The following ENPP6 variants were observed in gnomAD, a reference collection of about 807,000 sequenced individuals.
ENPP6 encodes the protein ectonucleotide pyrophosphatase/phosphodiesterase 6, also known as glycerophosphocholine cholinephosphodiesterase ENPP6.
ENPP6 carries 32 observed loss-of-function variants against 42.0 expected under a neutral mutation model. That is an observed-to-expected ratio of 0.76 (90% CI 0.58 to 1.02). ENPP6 has a LOEUF of 1.02. ENPP6 is among the 50% of genes least tolerant of loss of function. ENPP6 has a pLI of 0.00. For missense variants in ENPP6, 552 were observed against 566.8 expected (o/e 0.97, Z 0.27); for synonymous variants, 213 against 216.0 (o/e 0.99, Z 0.12).
intron 6 of ENPP6, among the ~76,000 whole-genome samples, chr4:184,102,287 C>T (rs779127937): frequency 5.3e-5 from 8 of 151,960 alleles, no homozygotes; most frequent in African/African-American, 1.9e-4. Flanking sequence ...TGCGAGGCTG[C>T]GCTGGGAGTG....
At chr4:184,162,374 C>G (rs565242558) in intron 1 of ENPP6, among the ~76,000 whole-genome samples, 1 of 152,266 alleles carries the variant, frequency 6.6e-6, no homozygotes, top group Non-Finnish European at 1.5e-5. Context: ...CCTGATCTTC[C>G]TGAGTACTTG....
chr4:184,098,249 G>T (rs1384596563), intron 6 of ENPP6, among the ~76,000 whole-genome samples: 1 of 152,212 alleles, frequency 6.6e-6, no homozygotes, highest in Non-Finnish European at 1.5e-5. Flanking sequence ...CCTGGGACTT[G>T]TGGCTGGCCT....
chr4:184,200,176 C>T (rs1732868679), intron 1 of ENPP6, among the ~76,000 whole-genome samples: 1 of 152,220 alleles, frequency 6.6e-6, no homozygotes, highest in African/African-American at 2.4e-5. Context: ...TGGCCTCGTT[C>T]AAGACACCCT....
chr4:184,119,871 T>C (rs1736386325), intron 3 of ENPP6, among the ~76,000 whole-genome samples: 1 of 152,310 alleles, frequency 6.6e-6, no homozygotes, highest in Non-Finnish European at 1.5e-5. Flanking sequence ...ACGTCTGCTT[T>C]CCCTTCTGCC....
chr4:184,197,573 G>A (rs754343433), intron 1 of ENPP6, among the ~76,000 whole-genome samples: 4 of 152,132 alleles, frequency 2.6e-5, no homozygotes, highest in Non-Finnish European at 5.9e-5. Context: ...ATCTGGTTCC[G>A]GATCTGCATC....
chr4:184,113,903 C>CT (rs1335908274), intron 5 of ENPP6, among the ~76,000 whole-genome samples: 38 of 60,940 alleles, frequency 6.2e-4, no homozygotes, highest in African/African-American at 1.1e-3. Flanking sequence ...TCTTTCTTTT[C>CT]TTTCTTTCTT....
At chr4:184,166,711 T>C (rs1737354627) in intron 1 of ENPP6, among the ~76,000 whole-genome samples, 1 of 152,122 alleles carries the variant, frequency 6.6e-6, no homozygotes, top group African/African-American at 2.4e-5. Context: ...TCTCAAAAGA[T>C]GGTAGATGAT....
At chr4:184,217,403 G>A (rs1049455705) in intron 1 of ENPP6, among the ~76,000 whole-genome samples, 176 bp downstream of exon 1, 1 of 152,042 alleles carries the variant, frequency 6.6e-6, no homozygotes, top group African/African-American at 2.4e-5. Flanking sequence ...AAACAATACC[G>A]CCACGAAAAC....
Position 184,216,153 on chromosome 4 carries a change from G to A in ENPP6, c.241+1426C>T, listed in dbSNP as rs138355943. ...GGGGGTGGGCTGTGTGTGTGAAGCC[G>A]CTGCACAGAGCTGGAGTCGGCTGTC... On this transcript the variant is annotated intron_variant, in intron 1 of 7. Coordinates refer to ENST00000296741, the MANE Select transcript of ENPP6 (RefSeq NM_153343.4). Among the ~76,000 whole-genome samples the A allele has an allele frequency of 8.9e-4, 135 of 152,320 alleles. 1 individual carries two copies. In the East Asian group the frequency reaches 0.023, roughly 26 times the overall value.
intron 1 of ENPP6, among the ~76,000 whole-genome samples, chr4:184,166,939 T>G (rs1450988419): frequency 6.6e-6 from 1 of 152,250 alleles, no homozygotes; most frequent in Non-Finnish European, 1.5e-5. Flanking sequence ...CTGCAGGTGG[T>G]GGGAGTACCC....
intron 1 of ENPP6, among the ~76,000 whole-genome samples, chr4:184,197,263 A>G (rs1224931829): frequency 6.6e-6 from 1 of 152,204 alleles, no homozygotes; most frequent in Admixed American, 6.5e-5. Context: ...GATGAAATCT[A>G]CACATGCACC....
chr4:184,192,410 G>T (rs1732723543), intron 1 of ENPP6, among the ~76,000 whole-genome samples: 2 of 152,080 alleles, frequency 1.3e-5, no homozygotes, highest in Non-Finnish European at 2.9e-5. Flanking sequence ...AAATAGTGCG[G>T]GGACAACTAC....
intron 2 of ENPP6, among the ~76,000 whole-genome samples, chr4:184,143,134 C>T (rs1461441569): frequency 2.0e-5 from 3 of 152,308 alleles, no homozygotes; most frequent in East Asian, 3.9e-4. Context: ...CTGGTTTCCT[C>T]GCATTTGGAT....
chr4:184,192,619 CT>C (rs1367535499), intron 1 of ENPP6, among the ~76,000 whole-genome samples: 4 of 152,098 alleles, frequency 2.6e-5, no homozygotes, highest in African/African-American at 9.7e-5. Context: ...ACAATAAATG[CT>C]TTTGTACAGC....
At chr4:184,157,290 A>G (rs1437408034) in intron 1 of ENPP6, among the ~76,000 whole-genome samples, 1 of 152,006 alleles carries the variant, frequency 6.6e-6, no homozygotes, top group Non-Finnish European at 1.5e-5. Context: ...GTGGAGCCCA[A>G]TCTCTCTCCC....
Position 184,090,869 on chromosome 4 carries a change from GT to G in ENPP6, c.*307del. 2.3e-6 allele frequency: 1 copy of G among 428,420 alleles called. No homozygotes were observed. The highest frequency in any genetic ancestry group is 4.1e-6 in the Non-Finnish European group (1 of 244,402). The allele number at this position is 428,420 out of a possible 1,614,324, so 26.5% of individuals were successfully genotyped here. A position where few individuals can be genotyped will look rare whatever the true frequency, so the allele number is the denominator to read the frequency against. ...GTCTGCAATAACCACTCCAAGTTTGGTTGCTGCAGGAGCAGGTCCCTGCTCA... is the reference window on the plus strand; with the variant it reads ...GTCTGCAATAACCACTCCAAGTTTGGTGCTGCAGGAGCAGGTCCCTGCTCA... On this transcript the variant is annotated 3_prime_UTR_variant, in exon 8 of 8. Transcript: ENST00000296741.
chr4:184,116,212 G>C (rs1355381298), intron 5 of ENPP6, among the ~76,000 whole-genome samples: 1 of 151,594 alleles, frequency 6.6e-6, no homozygotes, highest in African/African-American at 2.4e-5. Context: ...GACAGAGCGA[G>C]ACTCCGTCTC....
At position 184,194,010 on chromosome 4, in the gene ENPP6, C is replaced by T. The variant is rs183014174; in HGVS notation, c.241+23569G>A. ...ATGCTATTTTTGGCCTCTGTTGCCA[C>T]GGTCCCTGATAGCTCTTTGCCTCTT... On this transcript the variant is annotated intron_variant, in intron 1 of 7. Coordinates refer to ENST00000296741, the MANE Select transcript of ENPP6 (RefSeq NM_153343.4). Among the ~76,000 whole-genome samples the T allele has an allele frequency of 3.5e-3, 539 of 152,270 alleles. 3 individuals carry two copies. Among genetic ancestry groups the T allele is most frequent in the African/African-American group, 0.012 (518 of 41,550 alleles).
intron 5 of ENPP6, 31 bp downstream of exon 5, chr4:184,116,825 C>T (rs556011401): frequency 1.9e-6 from 3 of 1,609,926 alleles, no homozygotes; most frequent in South Asian, 2.2e-5. Flanking sequence ...GCCCACATGG[C>T]CCTCCTCCGC....
Sources: allele counts gnomAD v4.1 joint callset (sites outside exome capture counted in the v4.1 genomes callset), GRCh38; gene constraint gnomAD v4.1.1; transcripts MANE v1.5; gene names NCBI Gene and HGNC (gene_info 2026-07-23, HGNC 2026-07-21).